Variants in RELL1 observed in about 807,000 individuals in gnomAD.
RELL1 encodes the protein RELT-like protein 1.
In RELL1, 10 loss-of-function variants were observed where a neutral mutation model predicts 23.0. That is an observed-to-expected ratio of 0.43 (90% CI 0.27 to 0.74). The LOEUF (loss-of-function observed/expected upper bound fraction) is 0.74. RELL1 is among the 30% of genes least tolerant of loss of function. The probability of loss-of-function intolerance (pLI) is 0.19; values close to 1 mark genes in which losing one functional copy is unlikely to be tolerated. For missense variants in RELL1, 315 were observed against 364.4 expected, an observed-to-expected ratio of 0.86 and a Z score of 1.10; for synonymous variants, 146 against 146.8, an observed-to-expected ratio of 0.99 and a Z score of 0.04.
At chr4:37,674,837 A>G (rs1450751652) in intron 1 of RELL1, among the ~76,000 whole-genome samples, 1 of 152,232 alleles carries the variant, frequency 6.6e-6, no homozygotes, top group Non-Finnish European at 1.5e-5. Flanking sequence ...AAGGCTTGGC[A>G]GATTATTGGT....
downstream of RELL1, among the ~76,000 whole-genome samples, chr4:37,607,839 C>T (rs11734503): frequency 0.29 from 44,343 of 152,036 alleles, 8,166 homozygotes; most frequent in Non-Finnish European, 0.4. Context: ...CCGCCTGCCT[C>T]GGCCTCCCAA....
chr4:37,603,253 G>A (rs1005817950), intron 6 of RELL1, among the ~76,000 whole-genome samples: 2 of 152,160 alleles, frequency 1.3e-5, no homozygotes, highest in African/African-American at 4.8e-5. Flanking sequence ...AACCGCGTGG[G>A]CAGCCACACC....
chr4:37,646,262 T>G (rs1720707762), intron 3 of RELL1, among the ~76,000 whole-genome samples: 1 of 152,346 alleles, frequency 6.6e-6, no homozygotes. Context: ...ACCGTAAAGT[T>G]TCTTTACTCA....
At chr4:37,686,111 G>C in intron 1 of RELL1, 89 bp downstream of exon 1, 1 of 1,119,050 alleles carries the variant, frequency 8.9e-7, no homozygotes, top group Non-Finnish European at 1.3e-6. Context: ...GCAGGACGCC[G>C]CGGGGCTGCC....
downstream of RELL1, chr4:37,588,581 G>A: frequency 2.6e-6 from 1 of 390,804 alleles, no homozygotes; most frequent in Admixed American, 3.7e-5. Flanking sequence ...TGCAAAATGG[G>A]GATGAAACAC....
At chr4:37,621,375 G>A (rs1183016125) in intron 6 of RELL1, among the ~76,000 whole-genome samples, 1 of 152,022 alleles carries the variant, frequency 6.6e-6, no homozygotes, top group Non-Finnish European at 1.5e-5. Flanking sequence ...AGAATGGCGT[G>A]AACCTGGGAG....
At chr4:37,678,071 C>T (rs1469872805) in intron 1 of RELL1, among the ~76,000 whole-genome samples, 1 of 152,198 alleles carries the variant, frequency 6.6e-6, no homozygotes, top group Admixed American at 6.5e-5. Flanking sequence ...AGCATAGTGG[C>T]ATCTGCTTCT....
chr4:37,600,035 C>T lies in RELL1; in HGVS notation c.*4-8818G>A, dbSNP rs565435330. Among the ~76,000 whole-genome samples the T allele has an allele frequency of 1.5e-4, 23 of 152,270 alleles. No individual in the cohort carries two copies. The East Asian group carries it at 4.4e-3, about 29-fold the overall frequency. ...CTGTAAACCCAGCACTCCGGGAGGC[C>T]GAGGCAGGCGCATCACTTGATGTCA... On this transcript the variant is annotated intron_variant, in intron 6 of 6. Transcript: ENST00000314117.
rs145615930 is a variant in RELL1 at position 37,657,526 on chromosome 4, C to T, written c.89-8026G>A. On this transcript the variant is annotated intron_variant, in intron 1 of 6. Coordinates refer to ENST00000454158, the MANE Select transcript of RELL1 (RefSeq NM_001085400.2). Reference sequence around the variant, plus strand: ...TGAAGCAATGGCCTTGAGATGACTTCCATATGAAGGAGGGGAGTTAAATAT... The same window carrying T: ...TGAAGCAATGGCCTTGAGATGACTTTCATATGAAGGAGGGGAGTTAAATAT... Among the ~76,000 whole-genome samples the T allele has an allele frequency of 3.9e-3, 601 of 152,222 alleles. 1 individual carries two copies. The highest frequency in any genetic ancestry group is 6.1e-3 in the Admixed American group (94 of 15,296).
At position 37,616,235 on chromosome 4, in the gene RELL1, A is replaced by G. The variant is rs368691050; in HGVS notation, c.*4-2893T>C. Among the ~76,000 whole-genome samples the G allele has an allele frequency of 5.3e-5, 8 of 152,342 alleles. No individual in the cohort carries two copies. In the East Asian group the frequency reaches 1.3e-3, roughly 26 times the overall value. ...CCATAAGTCAATGATTCCTATTTTC[A>G]TAGGAGGAAACTGAGGCTTCCAGGT... On this transcript the variant is annotated intron_variant, in intron 6 of 6. Transcript: ENST00000454158.
At chr4:37,639,948 C>T (rs1159008747) in intron 3 of RELL1, among the ~76,000 whole-genome samples, 1 of 152,210 alleles carries the variant, frequency 6.6e-6, no homozygotes, top group Non-Finnish European at 1.5e-5. Context: ...TATTGCCCCA[C>T]CCAAGAGCCT....
At chr4:37,618,383 C>A (rs1047792297) in intron 6 of RELL1, among the ~76,000 whole-genome samples, 5 of 151,810 alleles carry the variant, frequency 3.3e-5, no homozygotes, top group African/African-American at 1.2e-4. Context: ...CCCTACTCAG[C>A]TAATTTTTTA....
rs144438428 is a variant in RELL1 at position 37,621,330 on chromosome 4, C to A, written c.*4-7988G>T. Among the ~76,000 whole-genome samples, 1,155 of 152,118 alleles carry A rather than the reference C, an allele frequency of 7.6e-3. 13 individuals carry two copies. The highest frequency in any genetic ancestry group is 0.026 in the African/African-American group (1,069 of 41,488). ...AATCAGCCAGGCGTGGTGGTGGGCA[C>A]CTGCAGTCCTAGCTACTCGGGAGGC... On this transcript the variant is annotated intron_variant, in intron 6 of 6. Coordinates refer to ENST00000454158, the MANE Select transcript of RELL1 (RefSeq NM_001085400.2).
At chr4:37,586,561 A>C (rs1473601944), downstream of RELL1, among the ~76,000 whole-genome samples, 1 of 152,152 alleles carries the variant, frequency 6.6e-6, no homozygotes, top group Non-Finnish European at 1.5e-5. Context: ...TGATTTGGGG[A>C]TGTTACTAGT....
At chr4:37,614,212 A>T (rs1719499628) in intron 6 of RELL1, among the ~76,000 whole-genome samples, 1 of 152,196 alleles carries the variant, frequency 6.6e-6, no homozygotes, top group Non-Finnish European at 1.5e-5. Context: ...TATGTACCTT[A>T]TTATTATCTA....
At chr4:37,632,764 T>A (rs962138573) in intron 5 of RELL1, among the ~76,000 whole-genome samples, 9 of 152,190 alleles carry the variant, frequency 5.9e-5, no homozygotes, top group Non-Finnish European at 1.3e-4. Flanking sequence ...AAGGAAGAGA[T>A]TTTCATTAAG....
chr4:37,669,758 C>A (rs368078261), intron 1 of RELL1, among the ~76,000 whole-genome samples: 24 of 152,304 alleles, frequency 1.6e-4, no homozygotes, highest in East Asian at 1.2e-3. Context: ...GTGCTCTCTG[C>A]AACATGTGCT....
intron 1 of RELL1, among the ~76,000 whole-genome samples, chr4:37,670,961 G>A (rs992169368): frequency 1.3e-5 from 2 of 152,118 alleles, no homozygotes; most frequent in African/African-American, 2.4e-5. Context: ...CAGCCCCAAC[G>A]TTTTCATATT....
At chr4:37,627,740 G>A (rs1719999050) in intron 6 of RELL1, among the ~76,000 whole-genome samples, 1 of 152,212 alleles carries the variant, frequency 6.6e-6, no homozygotes, top group African/African-American at 2.4e-5. Context: ...ATATGCATTT[G>A]TATTTGAATA....
Sources: allele counts gnomAD v4.1 joint callset (sites outside exome capture counted in the v4.1 genomes callset), GRCh38; gene constraint gnomAD v4.1.1; transcripts MANE v1.5; gene names NCBI Gene and HGNC (gene_info 2026-07-23, HGNC 2026-07-21).